The following COMMD1 variants were observed in gnomAD, a reference collection of about 807,000 sequenced individuals.
COMMD1 encodes COMM domain-containing protein 1.
Under a neutral mutation model 17.2 loss-of-function variants are expected in COMMD1, and 10 were observed. That is an observed-to-expected ratio of 0.58 (90% CI 0.36 to 0.99). The LOEUF is 0.99. Among genes scored for constraint, COMMD1 ranks in the 50% least tolerant of loss-of-function variants. The pLI, the probability that COMMD1 is intolerant of heterozygous loss-of-function variation, is 0.01. For synonymous variants in COMMD1, 97 were observed against 91.6 expected (o/e 1.06, Z -0.34); for missense variants, 270 against 231.8 (o/e 1.17, Z -1.07).
chr2:61,975,631 A>G (rs1259382307), intron 1 of COMMD1, among the ~76,000 whole-genome samples: 6 of 152,124 alleles, frequency 3.9e-5, no homozygotes, highest in Non-Finnish European at 5.9e-5. Flanking sequence ...GCATTTTACA[A>G]TTTAGGTTGT....
At chr2:62,112,578 A>T (rs1009668762) in intron 2 of COMMD1, among the ~76,000 whole-genome samples, 1 of 152,254 alleles carries the variant, frequency 6.6e-6, no homozygotes, top group African/African-American at 2.4e-5. Flanking sequence ...AGGACTAAAC[A>T]AACATTTATT....
At chr2:61,927,537 T>A (rs2105203169) in intron 1 of COMMD1, among the ~76,000 whole-genome samples, 1 of 151,914 alleles carries the variant, frequency 6.6e-6, no homozygotes, top group South Asian at 2.1e-4. Flanking sequence ...GGACTACAGA[T>A]GCCCGCCCGC....
intron 2 of COMMD1, among the ~76,000 whole-genome samples, chr2:62,004,569 T>G (rs1462532020): frequency 6.6e-6 from 1 of 152,202 alleles, no homozygotes; most frequent in Non-Finnish European, 1.5e-5. Flanking sequence ...CCCAAAGTGC[T>G]GGGATTACAG....
Position 62,135,866 on chromosome 2 carries a change from C to T in COMMD1, c.498C>T (p.Val166=). ...TTCTGTGTTTGGAATTTGATGAGGT[C>T]AAAGTCAACCAAATTCTGAAGACGC... The part of the protein sequence containing the change: ...SEFLCLEFDE[V]KVNQILKTLS... Residue 166 remains valine (V), a synonymous_variant, in exon 3 of 3, where the codon GTC becomes GTT. Transcript: ENST00000311832. 1.3e-6 allele frequency: 2 copies of T among 1,597,292 alleles called. No homozygotes were observed. The highest frequency in any genetic ancestry group is 1.1e-5 in the South Asian group (1 of 90,736).
At chr2:62,132,885 A>G (rs573043722) in intron 2 of COMMD1, among the ~76,000 whole-genome samples, 1 of 152,308 alleles carries the variant, frequency 6.6e-6, no homozygotes, top group East Asian at 1.9e-4. Context: ...AGCCCTCAAT[A>G]AAACTGAATG....
At chr2:61,918,225 C>T (rs1005830091) in intron 1 of COMMD1, among the ~76,000 whole-genome samples, 12 of 152,050 alleles carry the variant, frequency 7.9e-5, no homozygotes, top group Admixed American at 3.3e-4. Context: ...TTAGAAATAC[C>T]ATTTTCTGGA....
At chr2:62,107,631 T>C (rs1275858578) in intron 2 of COMMD1, among the ~76,000 whole-genome samples, 1 of 152,206 alleles carries the variant, frequency 6.6e-6, no homozygotes, top group Non-Finnish European at 1.5e-5. Flanking sequence ...TTTTTATTGA[T>C]TAGAAAGAAA....
intron 1 of COMMD1, among the ~76,000 whole-genome samples, chr2:61,910,817 C>T (rs1669885221): frequency 6.6e-6 from 1 of 152,204 alleles, no homozygotes. Flanking sequence ...GGCGCCACGG[C>T]TCACGCCTGT....
chr2:61,896,059 A>G (rs1669542719), intron 1 of COMMD1, among the ~76,000 whole-genome samples: 1 of 152,180 alleles, frequency 6.6e-6, no homozygotes, highest in African/African-American at 2.4e-5. Flanking sequence ...ACTAGTCTAT[A>G]AAGACTGGAA....
At chr2:62,100,916 C>G (rs1672162069) in intron 2 of COMMD1, among the ~76,000 whole-genome samples, 1 of 152,064 alleles carries the variant, frequency 6.6e-6, no homozygotes, top group Admixed American at 6.6e-5. Context: ...CAAGATATGG[C>G]AGAGAAACAT....
intron 1 of COMMD1, among the ~76,000 whole-genome samples, chr2:61,967,749 G>T (rs1671541632): frequency 6.6e-6 from 1 of 152,200 alleles, no homozygotes; most frequent in Non-Finnish European, 1.5e-5. Context: ...CCATATCAGA[G>T]TATCATCTTT....
chr2:62,134,599 C>G (rs1056607003), intron 2 of COMMD1, among the ~76,000 whole-genome samples: 3 of 141,510 alleles, frequency 2.1e-5, no homozygotes, highest in Admixed American at 7.3e-5. Context: ...ACCCCCATCT[C>G]TACAAAAAAA....
chr2:62,000,626 T>G, intron 1 of COMMD1, 75 bp from the exon 2 acceptor site: 1 of 1,367,054 alleles, frequency 7.3e-7, no homozygotes, highest in East Asian at 2.3e-5. Flanking sequence ...CAAAATATAA[T>G]CTGTAGTTAA....
intron 2 of COMMD1, among the ~76,000 whole-genome samples, chr2:62,024,090 T>C (rs573150657): frequency 2.0e-5 from 3 of 152,354 alleles, no homozygotes; most frequent in African/African-American, 7.2e-5. Flanking sequence ...ATATTCACAA[T>C]GTTGTTCAAC....
intron 2 of COMMD1, among the ~76,000 whole-genome samples, chr2:62,084,313 A>G (rs1197174009): frequency 6.6e-6 from 1 of 152,230 alleles, no homozygotes; most frequent in Non-Finnish European, 1.5e-5. Context: ...GAAGCCTTAC[A>G]TAACAGTTGA....
intron 1 of COMMD1, among the ~76,000 whole-genome samples, chr2:61,912,911 C>T (rs192510087): frequency 2.0e-5 from 3 of 152,160 alleles, no homozygotes; most frequent in African/African-American, 4.8e-5. Flanking sequence ...GTTTGCTGAC[C>T]TGCGTGGTGG....
At chr2:62,130,106 C>T (rs1390724269) in intron 2 of COMMD1, among the ~76,000 whole-genome samples, 1 of 147,530 alleles carries the variant, frequency 6.8e-6, no homozygotes. Context: ...ACCCGGGAGG[C>T]GGAGCTTGCA....
chr2:62,073,605 A>T (rs1009211825), intron 2 of COMMD1, among the ~76,000 whole-genome samples: 2 of 152,178 alleles, frequency 1.3e-5, no homozygotes, highest in African/African-American at 4.8e-5. Flanking sequence ...CTTAAAACCA[A>T]ACTGTAACCT....
chr2:61,918,777 T>C (rs928194747), intron 1 of COMMD1, among the ~76,000 whole-genome samples: 5 of 152,186 alleles, frequency 3.3e-5, no homozygotes, highest in Admixed American at 6.5e-5. Flanking sequence ...TGATGCAGTC[T>C]GGTGGAGTGG....
Sources: gnomAD v4.1 joint callset for allele counts (sites outside exome capture counted in the v4.1 genomes callset) on GRCh38, gnomAD v4.1.1 for gene constraint, MANE v1.5 for transcripts, NCBI Gene and HGNC (gene_info 2026-07-23, HGNC 2026-07-21) for gene names.